The following RESP18 variants were observed in gnomAD, a reference collection of about 807,000 sequenced individuals.
RESP18 encodes the protein regulated endocrine specific protein 18.
Under a neutral mutation model 30.0 loss-of-function variants are expected in RESP18, and 30 were observed. That is an observed-to-expected ratio of 1.00 (90% CI 0.75 to 1.36). The LOEUF (loss-of-function observed/expected upper bound fraction) is 1.36, where lower values mean the gene tolerates loss of function less well. Among genes scored for constraint, RESP18 ranks in the 40% most tolerant of loss-of-function variants. The probability of loss-of-function intolerance (pLI) is 0.00; values close to 1 mark genes in which losing one functional copy is unlikely to be tolerated. For synonymous variants in RESP18, 117 were observed against 111.2 expected (o/e 1.05, Z -0.33); for missense variants, 320 against 284.2 (o/e 1.13, Z -0.91).
chr2:219,330,232 C>T (rs1211716155), intron 3 of RESP18, among the ~76,000 whole-genome samples: 2 of 152,180 alleles, frequency 1.3e-5, no homozygotes, highest in African/African-American at 2.4e-5. Flanking sequence ...CTCTAAGGCA[C>T]TATGCACATA....
Position 219,329,670 on chromosome 2 carries a change from A to G in RESP18, c.432T>C (p.Asp144=), listed in dbSNP as rs1952809236. The stretch of plus-strand genomic sequence containing the variant: ...TTTTAGTGGGGAAAAGTGCCTTCCC[A>G]TCCTTCAGGCATGGTTCTTGGGGAT... The change falls in exon 4 of 7, where the codon GAT becomes GAC. Residue 144 remains aspartate, a synonymous_variant. Coordinates refer to ENST00000333527, the MANE Select transcript of RESP18 (RefSeq NM_001007089.4). 1 of 1,551,536 alleles carries G rather than the reference A, an allele frequency of 6.4e-7. No homozygotes were observed. Among genetic ancestry groups the G allele is most frequent in the African/African-American group, 1.4e-5 (1 of 73,126 alleles).
Position 219,332,546 on chromosome 2 carries a change from G to A in RESP18, c.210C>T (p.Gly70=), listed in dbSNP as rs1320804483. Residue 70 remains glycine, a synonymous_variant, in exon 2 of 7, where the codon GGC becomes GGT. Transcript: ENST00000333527. ...GACCGTGGGCACTAGTGTCGCTGCA[G>A]CCCCCCGGGCAGCTGTTCAGCAGCA... 2 of 1,551,098 alleles carry A rather than the reference G, an allele frequency of 1.3e-6. No individual in the cohort carries two copies. The highest frequency in any genetic ancestry group is 2.7e-5 in the African/African-American group (2 of 73,134).
intron 2 of RESP18, 54 bp downstream of exon 1, chr2:219,332,470 C>G: frequency 1.4e-6 from 2 of 1,397,764 alleles, no homozygotes; most frequent in Non-Finnish European, 2.0e-6. Context: ...CAGACCCCCA[C>G]TTCTCAGGAT....
In RESP18 at chr2:219,327,575, A is replaced by G. The variant is rs1249910015; in HGVS notation, c.641-12T>C. On this transcript the variant is annotated splice_polypyrimidine_tract_variant and intron_variant, in intron 6 of 6. Coordinates refer to ENST00000333527, the MANE Select transcript of RESP18 (RefSeq NM_001007089.4). ...GGCCCAGAGAAGCCCTAAAACAAGA[A>G]GAAACAAGGGAGCTAGAGTCAGGAT... The G allele has an allele frequency of 6.4e-7, 1 of 1,551,348 alleles. No homozygotes were observed. The highest frequency in any genetic ancestry group is 8.7e-7 in the Non-Finnish European group (1 of 1,146,702).
At chr2:219,330,907 C>G in intron 2 of RESP18, 32 bp from the exon 2 acceptor site, 2 of 1,328,770 alleles carry the variant, frequency 1.5e-6, no homozygotes, top group Non-Finnish European at 2.1e-6. Flanking sequence ...CAGCAAGGAA[C>G]CTGGCCAGAG....
chr2:219,331,016 GTCT>G (rs34019246), intron 2 of RESP18, 141 bp from the exon 2 acceptor site: 59,125 of 590,756 alleles, frequency 0.1, 3,290 homozygotes, highest in South Asian at 0.12. Context: ...TCCACTTCAA[GTCT>G]TCTTTAATTT....
chr2:219,328,139 C>T (rs968456645), intron 6 of RESP18, among the ~76,000 whole-genome samples: 3 of 152,218 alleles, frequency 2.0e-5, no homozygotes, highest in African/African-American at 7.2e-5. Context: ...CCCAACATCA[C>T]CAGGGTGGCC....
rs779149600 is a variant in RESP18, at chr2:219,332,556, C to A, written c.200G>T (p.Cys67Phe). 8 of 1,551,236 alleles carry A rather than the reference C, an allele frequency of 5.2e-6. No homozygotes were observed. Among genetic ancestry groups the A allele is most frequent in the Non-Finnish European group, 7.0e-6 (8 of 1,146,986 alleles). Reference sequence around the variant, plus strand: ...ACTAGTGTCGCTGCAGCCCCCCGGGCAGCTGTTCAGCAGCAGGAAGCAGAC... The same window carrying A: ...ACTAGTGTCGCTGCAGCCCCCCGGGAAGCTGTTCAGCAGCAGGAAGCAGAC... Residue 67 changes from cysteine to phenylalanine, a missense_variant, in exon 2 of 7, where the codon TGC (cysteine) becomes TTC (phenylalanine). Cys to Phe is a radical substitution (Grantham distance 205). Coordinates refer to ENST00000333527, the MANE Select transcript of RESP18 (RefSeq NM_001007089.4).
In RESP18 at chr2:219,329,319, C is replaced by A. The variant is rs143982016; in HGVS notation, c.466-67G>T. On this transcript the variant is annotated intron_variant, in intron 4 of 6. Transcript: ENST00000333527. ...GGGTGAGAGGGCCCCACAGGAAAAG[C>A]AATTGGATACAAAGTCAGGGATTCA... 9.0e-4 allele frequency: 1,400 copies of A among 1,551,734 alleles called. 7 individuals are homozygous for A. The African/African-American group carries it at 0.017, about 19-fold the overall frequency.
intron 6 of RESP18, among the ~76,000 whole-genome samples, chr2:219,328,283 C>A (rs1345774071): frequency 6.6e-6 from 1 of 152,194 alleles, no homozygotes; most frequent in Admixed American, 6.5e-5. Flanking sequence ...GGGCCTAATT[C>A]TCCACCCTCA....
chr2:219,330,529 A>AT (rs1952818838), intron 3 of RESP18, among the ~76,000 whole-genome samples: 1 of 135,028 alleles, frequency 7.4e-6, no homozygotes, highest in Admixed American at 6.9e-5. Context: ...GGCCGTTTTC[A>AT]GTTTTGTTTT....
intron 3 of RESP18, 64 bp downstream of exon 2, chr2:219,330,707 G>T: frequency 9.7e-7 from 1 of 1,034,132 alleles, no homozygotes. Flanking sequence ...AGGTCGGATA[G>T]CCCCTCTTCC....
chr2:219,329,963 G>A (rs1343258214), intron 3 of RESP18, among the ~76,000 whole-genome samples, 199 bp from the exon 3 acceptor site: 1 of 152,148 alleles, frequency 6.6e-6, no homozygotes. Context: ...CTCTTTGCTG[G>A]TTCATTTGAT....
In RESP18 at chr2:219,329,578, T is replaced by G; in HGVS notation, c.465+59A>C. 3 of 1,547,398 alleles carry G rather than the reference T, an allele frequency of 1.9e-6. No homozygotes were observed. The South Asian group carries it at 3.6e-5, about 18-fold the overall frequency. On this transcript the variant is annotated intron_variant, in intron 4 of 6. Coordinates refer to ENST00000333527, the MANE Select transcript of RESP18 (RefSeq NM_001007089.4). ...ACCTGCAGTTTTAGCACACATTCCT[T>G]CCCTGTTCCGTCTGTCTGCCAGAAT...
chr2:219,329,408 G>C (rs1402532550), intron 4 of RESP18, 156 bp from the exon 4 acceptor site: 1 of 1,551,044 alleles, frequency 6.4e-7, no homozygotes. Context: ...CCTCTTGCTA[G>C]AAGAGACAGG....
chr2:219,332,455 C>T (rs1032954133), intron 2 of RESP18, 69 bp downstream of exon 1: 10 of 1,193,812 alleles, frequency 8.4e-6, no homozygotes, highest in Admixed American at 2.3e-5. Context: ...CCTTGAGGCC[C>T]CCTGCAGACC....
chr2:219,331,625 C>A (rs1952831930), intron 2 of RESP18, among the ~76,000 whole-genome samples: 1 of 152,244 alleles, frequency 6.6e-6, no homozygotes, highest in East Asian at 1.9e-4. Flanking sequence ...CCTCCAACAC[C>A]CTGAGGAGAA....
Position 219,332,680 on chromosome 2 carries a change from C to A in RESP18, c.76G>T (p.Ala26Ser), listed in dbSNP as rs1344013759. The A allele has an allele frequency of 6.4e-7, 1 of 1,550,820 alleles. No individual in the cohort carries two copies. The highest frequency in any genetic ancestry group is 8.7e-7 in the Non-Finnish European group (1 of 1,146,874). ...CCCGGCCAAGTCTCAGTGAAGGTAG[C>A]GGCCACGGCCGAGGGGCTGAGCGGG... The change falls in exon 2 of 7, where the codon GCT (alanine) becomes TCT (serine). Residue 26 changes from alanine (A) to serine (S), a missense_variant. Physicochemically the swap from Ala to Ser is moderately conservative, Grantham distance 99. Transcript: ENST00000333527.
Position 219,330,876 on chromosome 2 carries a change from C to T in RESP18, c.233-1G>A. 6.5e-7 allele frequency: 1 copy of T among 1,543,896 alleles called. No homozygotes were observed. Among genetic ancestry groups the T allele is most frequent in the Non-Finnish European group, 8.8e-7 (1 of 1,139,808 alleles). On this transcript the variant is annotated splice_acceptor_variant, in intron 2 of 6. Transcript: ENST00000333527. LOFTEE classifies it high-confidence loss of function. ...CCCACTCCTACTTGGTCCTGACCATCTAAGGGCAAAATAGTGGTGTCAGCA... is the reference window on the plus strand; with the variant it reads ...CCCACTCCTACTTGGTCCTGACCATTTAAGGGCAAAATAGTGGTGTCAGCA...
Sources: gnomAD v4.1 joint callset for allele counts (sites outside exome capture counted in the v4.1 genomes callset) on GRCh38, gnomAD v4.1.1 for gene constraint, MANE v1.5 for transcripts, NCBI Gene and HGNC (gene_info 2026-07-23, HGNC 2026-07-21) for gene names.